Variants in DNAAF9 observed in about 807,000 individuals in gnomAD.
DNAAF9 encodes dynein axonemal assembly factor 9.
DNAAF9 carries 90 observed loss-of-function variants against 167.0 expected under a neutral mutation model. The observed-to-expected ratio is 0.54, with a 90% CI of 0.45 to 0.64. The LOEUF (loss-of-function observed/expected upper bound fraction) is 0.64. DNAAF9 is among the 30% of genes least tolerant of loss of function. The pLI is 0.00. For missense variants in DNAAF9, 1,315 were observed against 1,442.2 expected, an observed-to-expected ratio of 0.91 and a Z score of 1.43; for synonymous variants, 491 against 508.8, an observed-to-expected ratio of 0.96 and a Z score of 0.47.
At chr20:3,296,061 G>C in intron 23 of DNAAF9, 2 of 801,176 alleles carry the variant, frequency 2.5e-6, no homozygotes, top group South Asian at 2.6e-5. Flanking sequence ...CCCTCATCTG[G>C]AGTTACTGTT....
rs923101337 is a variant in DNAAF9 at position 3,407,632 on chromosome 20, C to T, written c.-75G>A. On this transcript the variant is annotated 5_prime_UTR_variant, in exon 1 of 37. Coordinates refer to ENST00000252032, the MANE Select transcript of DNAAF9 (RefSeq NM_001009984.3). Reference sequence around the variant, plus strand: ...CAGTTGCCCGCAGGGCGGCTCCACGCTAGCTGCGGCCGGGCGGGGCGGCAG... The same window carrying T: ...CAGTTGCCCGCAGGGCGGCTCCACGTTAGCTGCGGCCGGGCGGGGCGGCAG... The T allele has an allele frequency of 2.5e-6, 3 of 1,178,132 alleles. No individual in the cohort carries two copies. The highest frequency in any genetic ancestry group is 3.1e-6 in the Non-Finnish European group (3 of 953,440). 73.0% of individuals were successfully genotyped at this position (1,178,132 alleles called of 1,614,324 possible).
At chr20:3,383,801 CTTT>C (rs11464653) in intron 1 of DNAAF9, among the ~76,000 whole-genome samples, 2 of 141,238 alleles carry the variant, frequency 1.4e-5, no homozygotes, top group African/African-American at 5.2e-5. Context: ...CCACTGGATT[CTTT>C]TTTTTTTTTT....
intron 7 of DNAAF9, among the ~76,000 whole-genome samples, chr20:3,356,465 T>A (rs1259452128): frequency 1.3e-5 from 2 of 152,250 alleles, no homozygotes; most frequent in African/African-American, 2.4e-5. Context: ...TTTCTATCTA[T>A]CCTGGGGCCT....
intron 21 of DNAAF9, among the ~76,000 whole-genome samples, chr20:3,301,312 T>C (rs2069185424): frequency 6.6e-6 from 1 of 151,972 alleles, no homozygotes. Context: ...CTCAGTCTCC[T>C]GAGTACCTGG....
In DNAAF9 at chr20:3,252,453, G is replaced by A; in HGVS notation, c.*119C>T. The A allele has an allele frequency of 1.5e-6, 1 of 683,140 alleles. No homozygotes were observed. 42.3% of individuals were successfully genotyped at this position (683,140 alleles called of 1,614,324 possible). A position where few individuals can be genotyped will look rare whatever the true frequency, so the allele number is the denominator to read the frequency against. ...CATGCACTCAAGCCAGCCCACACAG[G>A]CCAAGGAGAACAAAGACAGCCCCTT... On this transcript the variant is annotated 3_prime_UTR_variant, in exon 37 of 37. Coordinates refer to ENST00000252032, the MANE Select transcript of DNAAF9 (RefSeq NM_001009984.3).
At chr20:3,281,033 T>A (rs1032448727) in intron 28 of DNAAF9, among the ~76,000 whole-genome samples, 24 of 151,092 alleles carry the variant, frequency 1.6e-4, no homozygotes, top group Admixed American at 5.3e-4. Flanking sequence ...ATTAAAAAAA[T>A]TTTTTTTTTG....
intron 29 of DNAAF9, among the ~76,000 whole-genome samples, chr20:3,278,450 G>C (rs1472313013): frequency 2.0e-5 from 3 of 152,166 alleles, no homozygotes; most frequent in African/African-American, 7.2e-5. Context: ...GCCAGGCGCC[G>C]TGGCTCATGC....
intron 31 of DNAAF9, among the ~76,000 whole-genome samples, chr20:3,261,318 T>C (rs887730652): frequency 5.9e-5 from 9 of 151,944 alleles, no homozygotes; most frequent in Non-Finnish European, 1.2e-4. Context: ...ATTATAGCCA[T>C]GAGTCACTGT....
intron 30 of DNAAF9, among the ~76,000 whole-genome samples, chr20:3,268,881 T>G (rs1424013023): frequency 1.3e-5 from 2 of 149,622 alleles, no homozygotes; most frequent in East Asian, 3.9e-4. Flanking sequence ...AGTAAAGAGA[T>G]AATATCTCTA....
intron 3 of DNAAF9, among the ~76,000 whole-genome samples, chr20:3,376,964 G>C (rs1359223101): frequency 2.0e-5 from 3 of 152,190 alleles, no homozygotes; most frequent in Non-Finnish European, 4.4e-5. Flanking sequence ...AGCTACTCAG[G>C]AGGCTGAGGC....
Position 3,296,941 on chromosome 20 carries a change from G to C in DNAAF9, c.1938C>G (p.Ser646=). The C allele has an allele frequency of 6.2e-7, 1 of 1,600,870 alleles. No homozygotes were observed. Among genetic ancestry groups the C allele is most frequent in the Non-Finnish European group, 8.6e-7 (1 of 1,168,116 alleles). ...IYQAFYSEVF[S]LWKQQDNSGI... Reference sequence around the variant, plus strand: ...CTGAGTTATCCTGCTGTTTCCAGAGGGAGAAGACCTAAACAAAACAGAATT... The same window carrying C: ...CTGAGTTATCCTGCTGTTTCCAGAGCGAGAAGACCTAAACAAAACAGAATT... Residue 646 remains serine (S), a synonymous_variant, in exon 23 of 37, where the codon TCC becomes TCG. Coordinates refer to ENST00000252032, the MANE Select transcript of DNAAF9 (RefSeq NM_001009984.3).
At chr20:3,363,165 G>A (rs1428016475) in intron 6 of DNAAF9, among the ~76,000 whole-genome samples, 2 of 150,440 alleles carry the variant, frequency 1.3e-5, no homozygotes, top group Non-Finnish European at 2.9e-5. Context: ...GGAGGCGGAG[G>A]TTACGGTGAG....
At chr20:3,402,372 G>GT (rs35729715) in intron 1 of DNAAF9, among the ~76,000 whole-genome samples, 4,549 of 151,174 alleles carry the variant, frequency 0.03, 161 homozygotes, top group African/African-American at 0.088. Context: ...ACCTCACATA[G>GT]TTTTTTTTTG....
chr20:3,392,280 T>C (rs2083837452), intron 1 of DNAAF9, among the ~76,000 whole-genome samples: 1 of 152,248 alleles, frequency 6.6e-6, no homozygotes, highest in Non-Finnish European at 1.5e-5. Context: ...TTGTAAGTTC[T>C]ACCTTTAGAA....
chr20:3,271,563 A>G (rs2068592386), intron 29 of DNAAF9, among the ~76,000 whole-genome samples: 1 of 152,084 alleles, frequency 6.6e-6, no homozygotes, highest in Non-Finnish European at 1.5e-5. Context: ...TTATAATCAT[A>G]GCGCATATAT....
At chr20:3,285,710 G>A (rs900990794) in intron 27 of DNAAF9, among the ~76,000 whole-genome samples, 2 of 149,548 alleles carry the variant, frequency 1.3e-5, no homozygotes, top group Non-Finnish European at 3.0e-5. Context: ...CAGGAGCGGT[G>A]GCTCATGCCT....
At chr20:3,320,438 T>C (rs947873458) in intron 16 of DNAAF9, among the ~76,000 whole-genome samples, 1 of 152,162 alleles carries the variant, frequency 6.6e-6, no homozygotes, top group African/African-American at 2.4e-5. Flanking sequence ...TGTGCATACT[T>C]GACGCAAGAC....
chr20:3,368,772 C>A (rs1385393644), intron 6 of DNAAF9, among the ~76,000 whole-genome samples: 1 of 152,110 alleles, frequency 6.6e-6, no homozygotes, highest in Non-Finnish European at 1.5e-5. Context: ...TCCGCCTCGG[C>A]CTCCCAAAGT....
At chr20:3,367,021 A>C in intron 6 of DNAAF9, among the ~76,000 whole-genome samples, 1 of 152,228 alleles carries the variant, frequency 6.6e-6, no homozygotes, top group Non-Finnish European at 1.5e-5. Context: ...AGCACTGAAA[A>C]TCTGTTGTTT....
Sources: allele counts gnomAD v4.1 joint callset (sites outside exome capture counted in the v4.1 genomes callset), GRCh38; gene constraint gnomAD v4.1.1; transcripts MANE v1.5; gene names NCBI Gene and HGNC (gene_info 2026-07-23, HGNC 2026-07-21).